The following UNC5D variants were observed in gnomAD, a reference collection of about 807,000 sequenced individuals.
UNC5D encodes netrin receptor UNC5D.
UNC5D carries 39 observed loss-of-function variants against 105.4 expected under a neutral mutation model. That is an observed-to-expected ratio of 0.37 (90% confidence interval 0.29 to 0.48). The LOEUF (loss-of-function observed/expected upper bound fraction) is 0.48, where lower values mean the gene tolerates loss of function less well. Ranked by LOEUF, UNC5D falls within the 20% of genes least tolerant of loss-of-function variation. UNC5D has a pLI of 0.98. For synonymous variants in UNC5D, 452 were observed against 450.4 expected (o/e 1.00, Z -0.04); for missense variants, 991 against 1,202.4 (o/e 0.82, Z 2.60).
chr8:35,601,203 C>A (rs62505533), intron 4 of UNC5D, among the ~76,000 whole-genome samples: 9,519 of 152,130 alleles, frequency 0.063, 413 homozygotes, highest in Middle Eastern at 0.099. Flanking sequence ...GTTACTGTAG[C>A]CTTGTAGTAT....
intron 4 of UNC5D, among the ~76,000 whole-genome samples, chr8:35,672,249 G>T (rs1376769660): frequency 6.6e-6 from 1 of 152,104 alleles, no homozygotes; most frequent in East Asian, 1.9e-4. Context: ...ACAGGAACAA[G>T]AAATGAAAAC....
intron 15 of UNC5D, among the ~76,000 whole-genome samples, chr8:35,771,670 G>A (rs750375615): frequency 4.6e-5 from 7 of 152,072 alleles, no homozygotes; most frequent in Non-Finnish European, 7.3e-5. Context: ...ATTTCTACTC[G>A]GTCAATGCCT....
rs1803132303 is a variant in UNC5D at position 35,793,398 on chromosome 8, T to C, written c.*2835T>C. On this transcript the variant is annotated 3_prime_UTR_variant, in exon 17 of 17. Coordinates refer to ENST00000404895, the MANE Select transcript of UNC5D (RefSeq NM_080872.4). ...ACACAAATACCCCTCTTGAAAGAGA[T>C]TTACTCATCTATCCAAGCACTTAAT... 5.4e-6 allele frequency: 1 copy of C among 184,070 alleles called. No homozygotes were observed. Among genetic ancestry groups the C allele is most frequent in the African/African-American group, 2.4e-5 (1 of 41,948 alleles). 11.4% of individuals were successfully genotyped at this position (184,070 alleles called of 1,614,324 possible).
intron 1 of UNC5D, among the ~76,000 whole-genome samples, chr8:35,337,815 C>T (rs1193107704): frequency 5.3e-5 from 8 of 150,304 alleles, no homozygotes; most frequent in African/African-American, 1.9e-4. Context: ...TTCAACATTT[C>T]TAAAGTGGTA....
At chr8:35,732,518 AC>A (rs1325374543) in intron 11 of UNC5D, among the ~76,000 whole-genome samples, 1 of 152,160 alleles carries the variant, frequency 6.6e-6, no homozygotes, top group Non-Finnish European at 1.5e-5. Context: ...ACTTAAGCAG[AC>A]CTAAAAATGG....
chr8:35,397,401 C>T (rs947144340), intron 1 of UNC5D, among the ~76,000 whole-genome samples: 1 of 152,212 alleles, frequency 6.6e-6, no homozygotes, highest in African/African-American at 2.4e-5. Flanking sequence ...TTCCCAGATG[C>T]CAGGCAAGGG....
intron 8 of UNC5D, among the ~76,000 whole-genome samples, chr8:35,714,684 A>G (rs983511670): frequency 3.3e-5 from 5 of 152,242 alleles, no homozygotes; most frequent in African/African-American, 1.2e-4. Flanking sequence ...GAGCAGTGGT[A>G]AAGAATAAGA....
intron 1 of UNC5D, among the ~76,000 whole-genome samples, chr8:35,343,054 T>A (rs1811565290): frequency 6.6e-6 from 1 of 152,090 alleles, no homozygotes; most frequent in Non-Finnish European, 1.5e-5. Context: ...AGTTTCTGAT[T>A]CAGTAGTTCT....
chr8:35,646,296 A>C (rs188364028), intron 4 of UNC5D, among the ~76,000 whole-genome samples: 62 of 152,246 alleles, frequency 4.1e-4, no homozygotes, highest in Non-Finnish European at 7.8e-4. Flanking sequence ...AACATTCTTC[A>C]TGAAAGTGCT....
chr8:35,657,226 C>T (rs1163991928), intron 4 of UNC5D, among the ~76,000 whole-genome samples: 2 of 149,502 alleles, frequency 1.3e-5, no homozygotes, highest in East Asian at 4.0e-4. Context: ...TTTGTTGCAC[C>T]TTGGGTTAAA....
At chr8:35,778,909 G>A (rs1000186789) in intron 16 of UNC5D, among the ~76,000 whole-genome samples, 1 of 152,192 alleles carries the variant, frequency 6.6e-6, no homozygotes, top group African/African-American at 2.4e-5. Flanking sequence ...CTTAGCAGTC[G>A]ATGAGAATGC....
At chr8:35,358,084 A>C (rs1801657149) in intron 1 of UNC5D, among the ~76,000 whole-genome samples, 1 of 152,194 alleles carries the variant, frequency 6.6e-6, no homozygotes, top group Admixed American at 6.5e-5. Flanking sequence ...CTTACTATCT[A>C]GACTTTTAGA....
At chr8:35,355,635 G>A (rs1801509908) in intron 1 of UNC5D, among the ~76,000 whole-genome samples, 2 of 152,230 alleles carry the variant, frequency 1.3e-5, no homozygotes, top group South Asian at 4.1e-4. Context: ...CTCTCTTACT[G>A]ATGTGGTCTG....
chr8:35,643,133 G>A (rs1822850527), intron 4 of UNC5D, among the ~76,000 whole-genome samples: 1 of 152,158 alleles, frequency 6.6e-6, no homozygotes, highest in Non-Finnish European at 1.5e-5. Context: ...AGTCTTTGTT[G>A]TGGGGGGGCT....
At chr8:35,637,368 G>A (rs1448767346) in intron 4 of UNC5D, among the ~76,000 whole-genome samples, 3 of 152,146 alleles carry the variant, frequency 2.0e-5, no homozygotes, top group Non-Finnish European at 4.4e-5. Context: ...CTTCTCAGGT[G>A]CATAGGTTAC....
At chr8:35,624,543 A>G (rs554469905) in intron 4 of UNC5D, among the ~76,000 whole-genome samples, 1 of 152,326 alleles carries the variant, frequency 6.6e-6, no homozygotes, top group African/African-American at 2.4e-5. Context: ...ACTTCTGACA[A>G]TCGTTGACCG....
chr8:35,302,740 A>T (rs1276210076), intron 1 of UNC5D, among the ~76,000 whole-genome samples: 1 of 152,238 alleles, frequency 6.6e-6, no homozygotes, highest in Non-Finnish European at 1.5e-5. Flanking sequence ...TAGATTTGAT[A>T]TACATTTGGA....
At chr8:35,460,500 A>G (rs779318076) in intron 1 of UNC5D, among the ~76,000 whole-genome samples, 1 of 152,218 alleles carries the variant, frequency 6.6e-6, no homozygotes, top group Non-Finnish European at 1.5e-5. Context: ...GGCTTCATCA[A>G]ATTATTCGAA....
intron 1 of UNC5D, among the ~76,000 whole-genome samples, chr8:35,451,951 G>C (rs1319146955): frequency 6.6e-6 from 1 of 152,132 alleles, no homozygotes; most frequent in Non-Finnish European, 1.5e-5. Context: ...TTCCTCTGAA[G>C]TCCCTTTCTT....
Sources: gnomAD v4.1 joint callset for allele counts (sites outside exome capture counted in the v4.1 genomes callset) on GRCh38, gnomAD v4.1.1 for gene constraint, MANE v1.5 for transcripts, NCBI Gene and HGNC (gene_info 2026-07-23, HGNC 2026-07-21) for gene names.